The following SEC14L1 variants were observed in gnomAD, a reference collection of about 807,000 sequenced individuals.
The protein encoded by SEC14L1 is SEC14 like lipid binding 1.
In SEC14L1, 48 loss-of-function variants were observed where a neutral mutation model predicts 85.3. The ratio of observed to expected loss-of-function variants is 0.56; its 90% CI spans 0.45 to 0.72. The LOEUF is 0.72. Ranked by LOEUF, SEC14L1 falls within the 30% of genes least tolerant of loss-of-function variation. SEC14L1 has a pLI of 0.00. For missense variants in SEC14L1, 682 were observed against 921.4 expected, an observed-to-expected ratio of 0.74 and a Z score of 3.36; for synonymous variants, 391 against 355.5, an observed-to-expected ratio of 1.10 and a Z score of -1.12.
chr17:77,124,119 T>G (rs1972375006), intron 3 of SEC14L1, among the ~76,000 whole-genome samples: 1 of 152,018 alleles, frequency 6.6e-6, no homozygotes, highest in South Asian at 2.1e-4. Context: ...ATCCTAACAC[T>G]TTGGGAGGCC....
upstream of SEC14L1, chr17:77,088,687 G>A (rs761130939): frequency 6.6e-6 from 1 of 152,238 alleles, no homozygotes; most frequent in East Asian, 1.9e-4. Context: ...TGGGAAGTAA[G>A]TGGAGACACG....
intron 3 of SEC14L1, among the ~76,000 whole-genome samples, chr17:77,148,005 C>A (rs1163599419): frequency 6.6e-6 from 1 of 152,054 alleles, no homozygotes; most frequent in African/African-American, 2.4e-5. Flanking sequence ...TGATATGATC[C>A]CACAGATTAG....
chr17:77,177,682 G>A (rs1042419746), intron 3 of SEC14L1, among the ~76,000 whole-genome samples: 1 of 152,120 alleles, frequency 6.6e-6, no homozygotes, highest in Non-Finnish European at 1.5e-5. Flanking sequence ...GATCTGAATA[G>A]TAGTCTTGCT....
intron 3 of SEC14L1, among the ~76,000 whole-genome samples, chr17:77,163,091 G>A (rs764142740): frequency 7.9e-5 from 12 of 152,172 alleles, no homozygotes; most frequent in Non-Finnish European, 1.5e-4. Flanking sequence ...GTTACTTCCT[G>A]GAGGGGATTG....
At chr17:77,126,760 C>T (rs559672876) in intron 3 of SEC14L1, among the ~76,000 whole-genome samples, 1 of 152,318 alleles carries the variant, frequency 6.6e-6, no homozygotes, top group East Asian at 1.9e-4. Context: ...AGCAAGCCAG[C>T]CTTGCCCTTC....
rs536445586 is a variant in SEC14L1, at chr17:77,115,932, A to T, written c.-136+22585A>T. On this transcript the variant is annotated intron_variant, in intron 3 of 19. Transcript: ENST00000392476. The stretch of plus-strand genomic sequence containing the variant: ...TTGACTCTCCTTTTTTTTTTTTTTT[A>T]AATTTTGAGACAGAGTCTCACTCTC... Among the ~76,000 whole-genome samples the T allele has an allele frequency of 6.7e-3, 981 of 146,356 alleles. 8 individuals carry two copies. Among genetic ancestry groups the T allele is most frequent in the African/African-American group, 0.02 (797 of 39,622 alleles).
Position 77,214,816 on chromosome 17 carries a change from A to C in SEC14L1, c.*793A>C. ...TTTCCTTCCGTGCGTCGCCCCTCTC[A>C]CCTGCAGTCAGCTCCCAGCCCAGTG... On this transcript the variant is annotated 3_prime_UTR_variant, in exon 17 of 17. Coordinates refer to ENST00000436233, the MANE Select transcript of SEC14L1 (RefSeq NM_001143998.2). The C allele has an allele frequency of 2.0e-6, 2 of 985,052 alleles. No individual in the cohort carries two copies. The highest frequency in any genetic ancestry group is 2.4e-6 in the Non-Finnish European group (2 of 829,916). 61.0% of individuals were successfully genotyped at this position (985,052 alleles called of 1,614,324 possible).
At chr17:77,156,319 A>G (rs1973815078) in intron 3 of SEC14L1, among the ~76,000 whole-genome samples, 1 of 152,168 alleles carries the variant, frequency 6.6e-6, no homozygotes. Context: ...TCACACTTGT[A>G]ATCCCAGCAC....
chr17:77,159,287 G>GA (rs1973953989), intron 3 of SEC14L1, among the ~76,000 whole-genome samples: 1 of 151,198 alleles, frequency 6.6e-6, no homozygotes, highest in Non-Finnish European at 1.5e-5. Context: ...GGCTGGTCTC[G>GA]AACTTCTGAC....
chr17:77,102,835 T>C (rs1466021684), intron 3 of SEC14L1, among the ~76,000 whole-genome samples: 1 of 152,154 alleles, frequency 6.6e-6, no homozygotes, highest in African/African-American at 2.4e-5. Flanking sequence ...AGAGTCTTAC[T>C]TTGTGGCTCA....
chr17:77,209,368 C>T lies in SEC14L1; in HGVS notation c.1503C>T (p.Val501=). 1 of 1,614,120 alleles carries T rather than the reference C, an allele frequency of 6.2e-7. No homozygotes were observed. The highest frequency in any genetic ancestry group is 8.5e-7 in the Non-Finnish European group (1 of 1,180,010). The change falls in exon 14 of 17, where the codon GTC becomes GTT. Residue 501 remains valine (V), a synonymous_variant. Transcript: ENST00000436233. ...CMCEVPEGGL[V]PKSLYRTAEE... Reference sequence around the variant, plus strand: ...GCGAAGTGCCAGAGGGTGGACTGGTCCCCAAATCTCTGTACCGGACTGCAG... The same window carrying T: ...GCGAAGTGCCAGAGGGTGGACTGGTTCCCAAATCTCTGTACCGGACTGCAG...
chr17:77,210,199 T>G (rs1325425430), intron 14 of SEC14L1: 1 of 152,298 alleles, frequency 6.6e-6, no homozygotes, highest in Non-Finnish European at 1.5e-5. Flanking sequence ...TTGGGGATTT[T>G]CCGATTTCTG....
At chr17:77,141,919 C>T (rs1053365520) in intron 1 of SEC14L1, among the ~76,000 whole-genome samples, 1 of 152,178 alleles carries the variant, frequency 6.6e-6, no homozygotes, top group South Asian at 2.1e-4. Context: ...TGTGCACCAA[C>T]ACTGTAAGGT....
At chr17:77,203,682 C>T in intron 10 of SEC14L1, 24 bp downstream of exon 10, 1 of 1,587,646 alleles carries the variant, frequency 6.3e-7, no homozygotes. Context: ...TGCGAGACTC[C>T]AGGTGCCACT....
At chr17:77,099,261 A>G (rs1295287809) in intron 3 of SEC14L1, 1 of 152,196 alleles carries the variant, frequency 6.6e-6, no homozygotes, top group Non-Finnish European at 1.5e-5. Flanking sequence ...AACAAAACCA[A>G]GACTTGGGTT....
chr17:77,093,461 C>G (rs1365564823), intron 3 of SEC14L1: 1 of 152,192 alleles, frequency 6.6e-6, no homozygotes, highest in Admixed American at 6.6e-5. Context: ...TCTGTGGTTC[C>G]TGTGCCCGCC....
At chr17:77,192,047 G>A (rs1975569016) in intron 5 of SEC14L1, among the ~76,000 whole-genome samples, 1 of 151,572 alleles carries the variant, frequency 6.6e-6, no homozygotes, top group African/African-American at 2.4e-5. Flanking sequence ...CGTCTGCCTC[G>A]TCCTCCCAAA....
chr17:77,198,637 C>T (rs1275800436), intron 8 of SEC14L1, among the ~76,000 whole-genome samples: 5 of 150,906 alleles, frequency 3.3e-5, no homozygotes, highest in South Asian at 2.1e-4. Context: ...TGCAGTGGCG[C>T]GATCTCGGCT....
intron 14 of SEC14L1, chr17:77,209,767 A>G (rs1287983895): frequency 7.1e-6 from 2 of 282,298 alleles, no homozygotes; most frequent in Non-Finnish European, 1.3e-5. Context: ...GGAATAGCTA[A>G]TCTTTCCTTG....
Sources: gnomAD v4.1 joint callset for allele counts (sites outside exome capture counted in the v4.1 genomes callset) on GRCh38, gnomAD v4.1.1 for gene constraint, MANE v1.5 for transcripts, NCBI Gene and HGNC (gene_info 2026-07-23, HGNC 2026-07-21) for gene names.